The following WNT9A variants were observed in gnomAD, a reference collection of about 807,000 sequenced individuals.
WNT9A encodes protein Wnt-9a.
Under a neutral mutation model 31.4 loss-of-function variants are expected in WNT9A, and 8 were observed. The observed-to-expected ratio is 0.26, with a 90% confidence interval of 0.15 to 0.46. The LOEUF is 0.46. WNT9A is among the 20% of genes least tolerant of loss of function. WNT9A has a pLI of 0.99. For synonymous variants in WNT9A, 236 were observed against 220.1 expected (o/e 1.07, Z -0.64); for missense variants, 457 against 522.9 (o/e 0.87, Z 1.23).
intron 1 of WNT9A, among the ~76,000 whole-genome samples, chr1:227,936,594 C>T (rs556107097): frequency 6.6e-6 from 1 of 151,964 alleles, no homozygotes; most frequent in Non-Finnish European, 1.5e-5. Context: ...CGCAGCCTCA[C>T]AAAGTGCTGG....
intron 1 of WNT9A, among the ~76,000 whole-genome samples, chr1:227,938,170 C>G (rs995850575): frequency 1.3e-5 from 2 of 152,098 alleles, no homozygotes; most frequent in Admixed American, 6.6e-5. Flanking sequence ...TTCATCAGCT[C>G]TTTGACACTT....
In WNT9A at chr1:227,922,024, G is replaced by C. The variant is rs1165610594; in HGVS notation, c.616-24C>G. 28 of 1,581,296 alleles carry C rather than the reference G, an allele frequency of 1.8e-5. No homozygotes were observed. In the Admixed American group the frequency reaches 4.8e-4, roughly 27 times the overall value. On this transcript the variant is annotated intron_variant, in intron 3 of 3. Transcript: ENST00000272164. ...ACCTGGCAGAAGGGTGCGGGAGGGA[G>C]GGCAGTGTGAGGGCTGTGCAGGTGG...
intron 1 of WNT9A, among the ~76,000 whole-genome samples, chr1:227,938,356 C>T (rs1028594972): frequency 4.6e-5 from 7 of 151,056 alleles, no homozygotes; most frequent in African/African-American, 1.2e-4. Flanking sequence ...CACAGACACA[C>T]GCATACACAC....
Position 227,921,742 on chromosome 1 carries a change from G to A in WNT9A, c.874C>T (p.Leu292=). Residue 292 remains leucine (L), a synonymous_variant, in exon 4 of 4, where the codon CTG becomes TTG. Coordinates refer to ENST00000272164, the MANE Select transcript of WNT9A (RefSeq NM_003395.4). ...PLPRTPELVH[L]DDSPSFCLAG... ...AGGCAGAAGCTAGGCGAGTCATCCAGGTGCACCAGCTCTGGAGTGCGGGGC... is the reference window on the plus strand; with the variant it reads ...AGGCAGAAGCTAGGCGAGTCATCCAAGTGCACCAGCTCTGGAGTGCGGGGC... 5 of 1,612,572 alleles carry A rather than the reference G, an allele frequency of 3.1e-6. No individual in the cohort carries two copies. The South Asian group carries it at 5.5e-5, about 18-fold the overall frequency.
intron 1 of WNT9A, among the ~76,000 whole-genome samples, chr1:227,935,609 A>T (rs977407655): frequency 1.6e-4 from 25 of 152,354 alleles, no homozygotes; most frequent in African/African-American, 5.1e-4. Flanking sequence ...CCACACTCCA[A>T]TCAACCCAGG....
rs148328877 is a variant in WNT9A, at chr1:227,934,071, G to A, written c.96-8552C>T. Among the ~76,000 whole-genome samples the A allele has an allele frequency of 8.0e-3, 1,211 of 152,286 alleles. 17 individuals carry two copies. Among genetic ancestry groups the A allele is most frequent in the African/African-American group, 0.027 (1,134 of 41,540 alleles). On this transcript the variant is annotated intron_variant, in intron 1 of 3. Coordinates refer to ENST00000272164, the MANE Select transcript of WNT9A (RefSeq NM_003395.4). Reference sequence around the variant, plus strand: ...CTATTCCATTGTGTGGATGGAACACGTTGTGCTCATCCATTCATGTGCTGA... The same window carrying A: ...CTATTCCATTGTGTGGATGGAACACATTGTGCTCATCCATTCATGTGCTGA...
chr1:227,924,103 C>T, intron 3 of WNT9A, 35 bp downstream of exon 3: 1 of 1,319,834 alleles, frequency 7.6e-7, no homozygotes, highest in South Asian at 1.4e-5. Context: ...CTTTCTGACC[C>T]TCCCTTCCCA....
intron 2 of WNT9A, among the ~76,000 whole-genome samples, chr1:227,924,678 C>T (rs1365171363): frequency 6.6e-6 from 1 of 152,230 alleles, no homozygotes; most frequent in African/African-American, 2.4e-5. Context: ...GGTCTCGAAC[C>T]TCCCAGCCTC....
chr1:227,932,472 T>A (rs673726), intron 1 of WNT9A, among the ~76,000 whole-genome samples: 1 of 151,908 alleles, frequency 6.6e-6, no homozygotes, highest in African/African-American at 2.4e-5. Flanking sequence ...GAATCAACAT[T>A]TTCCAAACTC....
At position 227,926,759 on chromosome 1, in the gene WNT9A, C is replaced by A. The variant is rs1265992395; in HGVS notation, c.96-1240G>T. On this transcript the variant is annotated intron_variant, in intron 1 of 3. Transcript: ENST00000272164. This position sits in a 1 kb window ranked among gnomAD's most constrained non-coding sequence, Gnocchi z 5.0. ...CAGACTCAGGATGTGCTGGGAGCCACCGGGGTGCCAGCTTGGGAAGGCTCC... is the reference window on the plus strand; with the variant it reads ...CAGACTCAGGATGTGCTGGGAGCCAACGGGGTGCCAGCTTGGGAAGGCTCC... Among the ~76,000 whole-genome samples the A allele has an allele frequency of 1.3e-5, 2 of 151,960 alleles. No homozygotes were observed. The highest frequency in any genetic ancestry group is 4.8e-5 in the African/African-American group (2 of 41,396).
chr1:227,941,840 C>G (rs955031982), intron 1 of WNT9A, among the ~76,000 whole-genome samples: 1 of 152,070 alleles, frequency 6.6e-6, no homozygotes, highest in Non-Finnish European at 1.5e-5. Flanking sequence ...GTCCTGACCC[C>G]GCCGCCCAGC....
chr1:227,941,913 C>T (rs1666714311), intron 1 of WNT9A, among the ~76,000 whole-genome samples: 1 of 152,138 alleles, frequency 6.6e-6, no homozygotes, highest in Admixed American at 6.5e-5. Context: ...GGCCTGTCAA[C>T]AGGTGTCGCT....
chr1:227,946,177 T>C (rs1666789974), intron 1 of WNT9A, among the ~76,000 whole-genome samples: 1 of 152,238 alleles, frequency 6.6e-6, no homozygotes, highest in Admixed American at 6.5e-5. Context: ...CTGGACTTAC[T>C]GTCTGCAAGA....
intron 3 of WNT9A, 38 bp downstream of exon 3, chr1:227,924,091 CTCTTTCTGA>C (rs1261778657): frequency 1.9e-6 from 2 of 1,076,822 alleles, no homozygotes; most frequent in Non-Finnish European, 2.6e-6. Context: ...CCCCCTGACG[CTCTTTCTGA>C]CCCTCCCTTC....
chr1:227,928,964 T>A lies in WNT9A; in HGVS notation c.96-3445A>T, dbSNP rs16848197. ...ACAGACAAATTACATCTGGGGCAAA[T>A]GCCTACAACTCACACCCCAGACCAG... On this transcript the variant is annotated intron_variant, in intron 1 of 3. Transcript: ENST00000272164. The surrounding 1 kb of genome is among the most constrained non-coding windows in gnomAD (Gnocchi z 4.5). Among the ~76,000 whole-genome samples, 1,753 of 152,224 alleles carry A rather than the reference T, an allele frequency of 0.012. 31 individuals are homozygous for A. Among genetic ancestry groups the A allele is most frequent in the East Asian group, 0.029 (151 of 5,178 alleles).
In WNT9A at chr1:227,927,394, C is replaced by T. The variant is rs546177574; in HGVS notation, c.96-1875G>A. The stretch of plus-strand genomic sequence containing the variant: ...GGGAGGACAGGAGGGACCAGCCAGT[C>T]CTCTGAGCCTGGACACTGCCGTGGG... On this transcript the variant is annotated intron_variant, in intron 1 of 3. Coordinates refer to ENST00000272164, the MANE Select transcript of WNT9A (RefSeq NM_003395.4). 4.6e-5 allele frequency among the ~76,000 whole-genome samples: 7 copies of T among 152,276 alleles called. No homozygotes were observed. In the East Asian group the frequency reaches 9.7e-4, roughly 21 times the overall value.
Position 227,947,845 on chromosome 1 carries a change from A to T in WNT9A, c.43T>A (p.Phe15Ile). Residue 15 changes from phenylalanine (F) to isoleucine (I), a missense_variant, in exon 1 of 4, where the codon TTC becomes ATC. Phe to Ile is a conservative substitution (Grantham distance 21). Coordinates refer to ENST00000272164, the MANE Select transcript of WNT9A (RefSeq NM_003395.4). ...SPLARWLAAA[F>I]GLTLLLAALR... Reference sequence around the variant, plus strand: ...GCGGCGAGCAGCAGCGTCAGCCCGAAGGCCGCGGCCAGCCAGCGCGCCAGC... The same window carrying T: ...GCGGCGAGCAGCAGCGTCAGCCCGATGGCCGCGGCCAGCCAGCGCGCCAGC... 9.3e-7 allele frequency: 1 copy of T among 1,079,044 alleles called. No homozygotes were observed. The highest frequency in any genetic ancestry group is 1.1e-6 in the Non-Finnish European group (1 of 891,900). The allele number at this position is 1,079,044 out of a possible 1,614,324, so 66.8% of individuals were successfully genotyped here.
In WNT9A at chr1:227,918,906, C is replaced by T. The variant is rs1036392010; in HGVS notation, c.*2612G>A. The T allele has an allele frequency of 6.6e-6, 1 of 152,006 alleles. No individual in the cohort carries two copies. The allele number at this position is 152,006 out of a possible 1,614,324, so 9.4% of individuals were successfully genotyped here. On this transcript the variant is annotated 3_prime_UTR_variant, in exon 4 of 4. Transcript: ENST00000272164. ...GTGCAGAGAAGGTGGCTGGGATCCCCTGGCCAAGGAGCGGGCTGAACCCCT... is the reference window on the plus strand; with the variant it reads ...GTGCAGAGAAGGTGGCTGGGATCCCTTGGCCAAGGAGCGGGCTGAACCCCT...
chr1:227,932,213 C>T (rs1268592396), intron 1 of WNT9A, among the ~76,000 whole-genome samples: 2 of 152,230 alleles, frequency 1.3e-5, no homozygotes, highest in African/African-American at 4.8e-5. Context: ...AATTCTAAAT[C>T]CTTTGTTGTC....
Sources: allele counts gnomAD v4.1 joint callset (sites outside exome capture counted in the v4.1 genomes callset), GRCh38; gene constraint gnomAD v4.1.1; non-coding constraint Gnocchi (gnomAD v3.1); transcripts MANE v1.5; gene names NCBI Gene and HGNC (gene_info 2026-07-23, HGNC 2026-07-21).